Variants in DPP6 observed in about 807,000 individuals in gnomAD.
The protein encoded by DPP6 is dipeptidyl peptidase like 6, also known as A-type potassium channel modulatory protein DPP6.
In DPP6, 69 loss-of-function variants were observed where a neutral mutation model predicts 122.6. That is an observed-to-expected ratio of 0.56 (90% CI 0.46 to 0.69). The LOEUF is 0.69. DPP6 is among the 30% of genes least tolerant of loss of function. DPP6 has a pLI of 0.00. For synonymous variants in DPP6, 418 were observed against 433.1 expected, an observed-to-expected ratio of 0.97 and a Z score of 0.43; for missense variants, 928 against 1,116.9, an observed-to-expected ratio of 0.83 and a Z score of 2.41.
chr7:154,023,318 GCACACACACACA>G (rs1554436897), intron 1 of DPP6, among the ~76,000 whole-genome samples: 61 of 129,616 alleles, frequency 4.7e-4, no homozygotes, highest in South Asian at 2.7e-3. Flanking sequence ...TTTCTTGTCT[GCACACACACACA>G]CACACACACA....
intron 1 of DPP6, 86 bp downstream of exon 1, chr7:154,053,149 TGGG>T: frequency 1.0e-5 from 6 of 575,250 alleles, no homozygotes; most frequent in Non-Finnish European, 1.3e-5. Context: ...AAATTTTTTT[TGGG>T]GGGGGAATCA....
chr7:154,618,664 G>A lies in DPP6; in HGVS notation c.628-19157G>A, dbSNP rs1246100371. On this transcript the variant is annotated intron_variant, in intron 5 of 25. Transcript: ENST00000377770. The surrounding 1 kb of genome is among the most constrained non-coding windows in gnomAD (Gnocchi z 4.1). ...CAGCCCAGCTTCCACCCTCCTGATG[G>A]GGACCATATCCATGTGCTGCTCTTA... Among the ~76,000 whole-genome samples the A allele has an allele frequency of 6.6e-6, 1 of 152,150 alleles. No individual in the cohort carries two copies.
intron 17 of DPP6, among the ~76,000 whole-genome samples, chr7:154,856,631 A>G (rs1454251102): frequency 2.6e-5 from 4 of 152,166 alleles, no homozygotes; most frequent in African/African-American, 9.7e-5. Flanking sequence ...CAAAACAACC[A>G]CTTCTTTTCC....
intron 3 of DPP6, among the ~76,000 whole-genome samples, chr7:154,507,249 T>G (rs1825732114): frequency 6.6e-6 from 1 of 151,806 alleles, no homozygotes; most frequent in South Asian, 2.1e-4. Flanking sequence ...GAAAGCATAA[T>G]CAAATAAAGA....
rs1315742517 is a variant in DPP6, at chr7:154,052,632, A to G, written c.-189A>G. Reference sequence around the variant, plus strand: ...GGAGGCTGAGCCAGGCAGAGTCGCCAGCGGAGACTCGCGAGTGGCGCGCGG... The same window carrying G: ...GGAGGCTGAGCCAGGCAGAGTCGCCGGCGGAGACTCGCGAGTGGCGCGCGG... On this transcript the variant is annotated 5_prime_UTR_variant, in exon 1 of 26. Transcript: ENST00000377770. This position sits in a 1 kb window ranked among gnomAD's most constrained non-coding sequence, Gnocchi z 4.8. The G allele has an allele frequency of 7.9e-7, 1 of 1,272,258 alleles. No homozygotes were observed. The highest frequency in any genetic ancestry group is 1.6e-5 in the African/African-American group (1 of 62,548). The allele number at this position is 1,272,258 out of a possible 1,614,324, so 78.8% of individuals were successfully genotyped here.
chr7:154,318,227 G>T (rs890893235), intron 1 of DPP6, among the ~76,000 whole-genome samples: 4 of 152,182 alleles, frequency 2.6e-5, no homozygotes, highest in Admixed American at 2.0e-4. Context: ...CAGAGATTAT[G>T]TATTAATTAT....
At chr7:154,588,063 G>C (rs775185896) in intron 5 of DPP6, 3 of 1,607,046 alleles carry the variant, frequency 1.9e-6, no homozygotes, top group Admixed American at 1.7e-5. Flanking sequence ...GGCAGATTTC[G>C]GGCCAGAGAG....
At chr7:154,061,623 G>C (rs1364264766) in intron 1 of DPP6, among the ~76,000 whole-genome samples, 2 of 143,382 alleles carry the variant, frequency 1.4e-5, no homozygotes, top group Non-Finnish European at 3.1e-5. Context: ...TCACAGGGGG[G>C]GGAGGCACCC....
At chr7:154,529,153 C>G (rs976607937) in intron 3 of DPP6, among the ~76,000 whole-genome samples, 21 of 152,216 alleles carry the variant, frequency 1.4e-4, no homozygotes, top group African/African-American at 5.1e-4. Flanking sequence ...AGAACCAAGG[C>G]AGAAACATTG....
chr7:153,800,392 A>G, the DPP6 span, among the ~76,000 whole-genome samples: 72 of 152,316 alleles, frequency 4.7e-4, no homozygotes, highest in African/African-American at 1.6e-3. Flanking sequence ...GAAGGCAAAG[A>G]GTAGAATATT....
intron 1 of DPP6, among the ~76,000 whole-genome samples, chr7:154,195,722 A>G (rs919327178): frequency 6.6e-6 from 1 of 152,240 alleles, no homozygotes; most frequent in South Asian, 2.1e-4. Context: ...TTCATTGTCC[A>G]CGTTGGTGTT....
intron 1 of DPP6, among the ~76,000 whole-genome samples, chr7:153,999,428 C>G (rs1368600867): frequency 6.6e-6 from 1 of 152,202 alleles, no homozygotes; most frequent in Non-Finnish European, 1.5e-5. Flanking sequence ...CTTGCCCCAT[C>G]ACATCTTCAA....
intron 5 of DPP6, among the ~76,000 whole-genome samples, chr7:154,602,106 C>T (rs1379478130): frequency 1.7e-5 from 2 of 119,698 alleles, no homozygotes; most frequent in African/African-American, 5.3e-5. Context: ...CTTATTATTC[C>T]AATTTATTTT....
intron 3 of DPP6, among the ~76,000 whole-genome samples, chr7:154,504,352 C>A (rs749927241): frequency 1.6e-4 from 24 of 152,094 alleles, no homozygotes; most frequent in Admixed American, 1.6e-3. Flanking sequence ...TCTTGATCAC[C>A]GACCTATTAA....
chr7:153,827,005 A>AAC, the DPP6 span, among the ~76,000 whole-genome samples: 1 of 2,350 alleles, frequency 4.3e-4, no homozygotes, highest in Non-Finnish European at 7.9e-4. Flanking sequence ...CATTAAAATT[A>AAC]ACCTTTATGA....
intron 1 of DPP6, among the ~76,000 whole-genome samples, chr7:154,411,021 T>G (rs190652803): frequency 6.6e-6 from 1 of 152,314 alleles, no homozygotes; most frequent in East Asian, 1.9e-4. Flanking sequence ...CGTGAAAAAT[T>G]TCCATTACAT....
chr7:154,299,927 A>G (rs1452699043), intron 1 of DPP6, among the ~76,000 whole-genome samples: 2 of 152,158 alleles, frequency 1.3e-5, no homozygotes, highest in East Asian at 3.9e-4. Flanking sequence ...AACAAACCTA[A>G]TTAGCTGTGC....
At position 154,853,824 on chromosome 7, in the gene DPP6, A is replaced by C. The variant is rs140460765; in HGVS notation, c.1711A>C (p.Lys571Gln). 1,457 of 1,613,868 alleles carry C rather than the reference A, an allele frequency of 9.0e-4. 8 individuals are homozygous for C. The highest frequency in any genetic ancestry group is 6.3e-3 in the Middle Eastern group (38 of 6,062). ...MVTVHNTTDK[K>Q]KMFDLETNEH... ...GACGGTGCACAACACAACAGATAAG[A>C]AAAGTAAGTGCTCTTTTTTTTCCTT... Residue 571 changes from lysine (K) to glutamine (Q), a missense_variant, in exon 17 of 26, where the codon AAA (lysine) becomes CAA (glutamine). Transcript: ENST00000377770.
intron 1 of DPP6, among the ~76,000 whole-genome samples, chr7:154,215,835 T>C (rs1403037033): frequency 1.3e-5 from 2 of 152,098 alleles, no homozygotes; most frequent in East Asian, 3.9e-4. Context: ...ATTTATTAAG[T>C]CTCTGCAGCT....
Sources: gnomAD v4.1 joint callset for allele counts (sites outside exome capture counted in the v4.1 genomes callset) on GRCh38, gnomAD v4.1.1 for gene constraint, Gnocchi (gnomAD v3.1) non-coding constraint, MANE v1.5 for transcripts, NCBI Gene and HGNC (gene_info 2026-07-23, HGNC 2026-07-21) for gene names.